Variants in RFT1 observed in about 807,000 individuals in gnomAD.
RFT1 encodes the protein RFT1 glycolipid translocator homolog, also known as man(5)GlcNAc(2)-PP-dolichol translocation protein RFT1.
Under a neutral mutation model 62.2 loss-of-function variants are expected in RFT1, and 43 were observed. That is an observed-to-expected ratio of 0.69 (90% CI 0.54 to 0.89). The LOEUF (loss-of-function observed/expected upper bound fraction) is 0.89, where lower values mean the gene tolerates loss of function less well. Ranked by LOEUF, RFT1 falls within the 40% of genes least tolerant of loss-of-function variation. The pLI, the probability that RFT1 is intolerant of heterozygous loss-of-function variation, is 0.00. For missense variants in RFT1, 605 were observed against 649.9 expected (o/e 0.93, Z 0.75); for synonymous variants, 262 against 264.6 (o/e 0.99, Z 0.10).
intron 1 of RFT1, among the ~76,000 whole-genome samples, chr3:53,128,931 G>A (rs1026359603): frequency 6.6e-6 from 1 of 152,224 alleles, no homozygotes; most frequent in Non-Finnish European, 1.5e-5. Flanking sequence ...ACTGTCACAC[G>A]GCAAGTAAAT....
chr3:53,092,202 A>G (rs1701010191), intron 12 of RFT1, 132 bp from the exon 13 acceptor site: 24 of 1,394,752 alleles, frequency 1.7e-5, no homozygotes, highest in East Asian at 2.5e-5. Context: ...CTGCAGGTCC[A>G]TTGTTTCCCC....
chr3:53,068,644 G>GCCCTGT, the RFT1 span, among the ~76,000 whole-genome samples: 18 of 149,560 alleles, frequency 1.2e-4, no homozygotes, highest in East Asian at 9.7e-4. Flanking sequence ...CCTGGTCCTG[G>GCCCTGT]CCCTGTCCCC....
intron 7 of RFT1, 83 bp downstream of exon 7, chr3:53,111,747 G>T: frequency 1.8e-6 from 2 of 1,137,768 alleles, no homozygotes; most frequent in Non-Finnish European, 2.7e-6. Flanking sequence ...CTGGACAGGT[G>T]GTCTGGACCC....
At chr3:53,118,710 A>G (rs2107153948) in intron 6 of RFT1, among the ~76,000 whole-genome samples, 1 of 152,272 alleles carries the variant, frequency 6.6e-6, no homozygotes. Flanking sequence ...GTGTCTTAGC[A>G]GAGACAACGT....
chr3:53,107,299 C>T (rs1027868782), intron 7 of RFT1, among the ~76,000 whole-genome samples: 4 of 152,028 alleles, frequency 2.6e-5, no homozygotes, highest in Non-Finnish European at 4.4e-5. Context: ...CCGCACCCGG[C>T]TAATTTTTTT....
At chr3:53,103,804 G>C in intron 10 of RFT1, 149 bp downstream of exon 10, 1 of 966,548 alleles carries the variant, frequency 1.0e-6, no homozygotes, top group Non-Finnish European at 1.6e-6. Context: ...GGAGTTGAAC[G>C]AGGGGAACAG....
At chr3:53,104,689 T>C (rs1296947587) in intron 9 of RFT1, among the ~76,000 whole-genome samples, 1 of 152,266 alleles carries the variant, frequency 6.6e-6, no homozygotes, top group Middle Eastern at 3.2e-3. Context: ...TTTTGAGATA[T>C]TGTGCATAAA....
At chr3:53,108,855 G>A (rs1474560730) in intron 7 of RFT1, among the ~76,000 whole-genome samples, 1 of 151,614 alleles carries the variant, frequency 6.6e-6, no homozygotes, top group Non-Finnish European at 1.5e-5. Context: ...TTTTAGTAGA[G>A]ATGGGGTTTC....
At chr3:53,116,602 T>A (rs549860322) in intron 6 of RFT1, among the ~76,000 whole-genome samples, 1 of 150,820 alleles carries the variant, frequency 6.6e-6, no homozygotes, top group Non-Finnish European at 1.5e-5. Flanking sequence ...CCTCTTTTTT[T>A]CTTTCTCTTT....
intron 11 of RFT1, among the ~76,000 whole-genome samples, chr3:53,095,118 T>C (rs1356873926): frequency 6.7e-6 from 1 of 150,250 alleles, no homozygotes; most frequent in African/African-American, 2.5e-5. Flanking sequence ...ATACAAAAAT[T>C]AGCTGAGCTT....
chr3:53,117,409 T>A (rs143652732), intron 6 of RFT1, among the ~76,000 whole-genome samples: 70 of 152,220 alleles, frequency 4.6e-4, no homozygotes, highest in Admixed American at 1.8e-3. Context: ...CTATATCAGG[T>A]GCCTCTCAAG....
At chr3:53,100,616 A>C (rs1200756210) in intron 10 of RFT1, among the ~76,000 whole-genome samples, 1 of 152,258 alleles carries the variant, frequency 6.6e-6, no homozygotes, top group Non-Finnish European at 1.5e-5. Context: ...ATCCATGCGA[A>C]ACCATGGAAG....
the RFT1 span, among the ~76,000 whole-genome samples, chr3:53,082,104 C>T: frequency 6.6e-6 from 1 of 151,922 alleles, no homozygotes; most frequent in Non-Finnish European, 1.5e-5. Context: ...CCACCACGCC[C>T]AGCTAATTTT....
In RFT1 at chr3:53,123,587, T is replaced by C. The variant is rs76007901; in HGVS notation, c.266+137A>G. The C allele has an allele frequency of 4.9e-3, 3,597 of 733,790 alleles. 96 individuals carry two copies. The African/African-American group carries it at 0.056, about 11-fold the overall frequency. 45.5% of individuals were successfully genotyped at this position (733,790 alleles called of 1,614,324 possible). A position where few individuals can be genotyped will look rare whatever the true frequency, so the allele number is the denominator to read the frequency against. On this transcript the variant is annotated intron_variant, in intron 3 of 12. Transcript: ENST00000296292. ...GACACAAACACTGTCCCCGTCTTGT[T>C]GTATGCCTGCTCCCAGAAACCCATG...
At chr3:53,083,852 G>A (rs1218148130), downstream of RFT1, among the ~76,000 whole-genome samples, 1 of 152,262 alleles carries the variant, frequency 6.6e-6, no homozygotes, top group Non-Finnish European at 1.5e-5. Context: ...TTAGAGAGAT[G>A]CCACTTGGGG....
At chr3:53,070,393 GTTT>G in the RFT1 span, among the ~76,000 whole-genome samples, 18 of 85,464 alleles carry the variant, frequency 2.1e-4, 2 homozygotes, top group Admixed American at 1.5e-3. Flanking sequence ...CTGTATTATG[GTTT>G]TTTTTTTTTT....
In RFT1 at chr3:53,119,941, A is replaced by C. The variant is rs754710334; in HGVS notation, c.639T>G (p.Leu213=). 1 of 1,613,330 alleles carries C rather than the reference A, an allele frequency of 6.2e-7. No homozygotes were observed. Among genetic ancestry groups the C allele is most frequent in the Non-Finnish European group, 8.5e-7 (1 of 1,179,578 alleles). The change falls in exon 6 of 13, where the codon CTT becomes CTG. Residue 213 remains leucine (L), a synonymous_variant. Coordinates refer to ENST00000296292, the MANE Select transcript of RFT1 (RefSeq NM_052859.4). ...TTATTCTGGAGACAGGAAGAGTTTGAAGCTTGGTTGATTCTGGGGAACCCA... is the reference window on the plus strand; with the variant it reads ...TTATTCTGGAGACAGGAAGAGTTTGCAGCTTGGTTGATTCTGGGGAACCCA... The part of the protein sequence containing the change: ...KLLGSPESTK[L]QTLPVSRITD...
intron 6 of RFT1, among the ~76,000 whole-genome samples, chr3:53,112,773 G>A (rs183865226): frequency 1.4e-4 from 21 of 152,146 alleles, no homozygotes; most frequent in East Asian, 9.6e-4. Flanking sequence ...AACTCCCAGC[G>A]GCACCAAATG....
In RFT1 at chr3:53,092,582, G is replaced by A; in HGVS notation, c.1245C>T (p.Phe415=). 3 of 1,612,428 alleles carry A rather than the reference G, an allele frequency of 1.9e-6. No individual in the cohort carries two copies. The highest frequency in any genetic ancestry group is 2.2e-5 in the South Asian group (2 of 90,424). ...NFVMLALSSS[F]LVLSYLLTRW... is the part of the protein sequence containing the mutation. ...GGGTCAAGAGATAGGATAACACCAG[G>A]AATGAGGAGGACAGGGCCAGCATCA... is the stretch of plus-strand genomic sequence containing the variant. Residue 415 remains phenylalanine (F), a synonymous_variant, in exon 12 of 13, where the codon TTC becomes TTT. Coordinates refer to ENST00000296292, the MANE Select transcript of RFT1 (RefSeq NM_052859.4).
Sources: allele counts gnomAD v4.1 joint callset (sites outside exome capture counted in the v4.1 genomes callset), GRCh38; gene constraint gnomAD v4.1.1; transcripts MANE v1.5; gene names NCBI Gene and HGNC (gene_info 2026-07-23, HGNC 2026-07-21).